The following TTC27 variants were observed in gnomAD, a reference collection of about 807,000 sequenced individuals.
The protein encoded by TTC27 is tetratricopeptide repeat protein 27.
TTC27 carries 79 observed loss-of-function variants against 115.9 expected under a neutral mutation model. The observed-to-expected ratio is 0.68, with a 90% confidence interval of 0.57 to 0.82. TTC27 has a LOEUF of 0.82. Among genes scored for constraint, TTC27 ranks in the 40% least tolerant of loss-of-function variants. The pLI, the probability that TTC27 is intolerant of heterozygous loss-of-function variation, is 0.00. For missense variants in TTC27, 1,054 were observed against 993.1 expected (o/e 1.06, Z -0.82); for synonymous variants, 401 against 356.0 (o/e 1.13, Z -1.42).
At chr2:32,724,505 A>G (rs1160339651) in intron 10 of TTC27, among the ~76,000 whole-genome samples, 1 of 151,874 alleles carries the variant, frequency 6.6e-6, no homozygotes, top group African/African-American at 2.4e-5. Flanking sequence ...TTTTTAAGAC[A>G]GTTGTGTTTA....
chr2:32,664,251 A>G, intron 5 of TTC27, 52 bp from the exon 6 acceptor site: 1 of 1,483,518 alleles, frequency 6.7e-7, no homozygotes, highest in Admixed American at 2.0e-5. Context: ...TTACACATTA[A>G]TATATTTTTC....
intron 10 of TTC27, among the ~76,000 whole-genome samples, chr2:32,703,735 C>G (rs928409836): frequency 2.0e-5 from 3 of 152,228 alleles, no homozygotes; most frequent in African/African-American, 7.2e-5. Context: ...TTCTCTTAAA[C>G]TATCCATGAT....
intron 18 of TTC27, among the ~76,000 whole-genome samples, chr2:32,816,543 G>A (rs1444591173): frequency 6.6e-6 from 1 of 152,166 alleles, no homozygotes; most frequent in Non-Finnish European, 1.5e-5. Flanking sequence ...AGCATTAATA[G>A]CCAGGCCTTC....
chr2:32,797,335 A>G (rs909617882), intron 16 of TTC27, among the ~76,000 whole-genome samples: 2 of 150,614 alleles, frequency 1.3e-5, no homozygotes, highest in Non-Finnish European at 2.9e-5. Context: ...GCATGCCACC[A>G]CATCTAACAA....
intron 4 of TTC27, among the ~76,000 whole-genome samples, chr2:32,642,061 T>A (rs887184114): frequency 6.6e-6 from 1 of 151,890 alleles, no homozygotes; most frequent in Admixed American, 6.6e-5. Flanking sequence ...TTCTCCACAT[T>A]GGTCAGGCTG....
intron 10 of TTC27, among the ~76,000 whole-genome samples, chr2:32,721,608 T>TTC (rs1164934164): frequency 4.6e-5 from 7 of 151,428 alleles, no homozygotes; most frequent in African/African-American, 9.7e-5. Flanking sequence ...TCACTTTTCT[T>TTC]TCTCTCTCTC....
At chr2:32,812,399 G>T (rs1454049855) in intron 17 of TTC27, 105 bp from the exon 18 acceptor site, 2 of 814,058 alleles carry the variant, frequency 2.5e-6, no homozygotes, top group Non-Finnish European at 4.1e-6. Flanking sequence ...CAACACAGAT[G>T]CTGCTTTTTC....
At chr2:32,664,677 T>C (rs1285944501) in intron 6 of TTC27, among the ~76,000 whole-genome samples, 3 of 152,166 alleles carry the variant, frequency 2.0e-5, no homozygotes, top group Non-Finnish European at 4.4e-5. Flanking sequence ...TTTATTGCGC[T>C]GATCTGTTTA....
intron 13 of TTC27, among the ~76,000 whole-genome samples, chr2:32,767,173 T>A (rs907647009): frequency 6.6e-6 from 1 of 152,200 alleles, no homozygotes; most frequent in African/African-American, 2.4e-5. Context: ...GGGAATTTTT[T>A]AAAACCGTAA....
intron 3 of TTC27, among the ~76,000 whole-genome samples, chr2:32,639,464 G>A (rs1664555338): frequency 6.6e-6 from 1 of 151,986 alleles, no homozygotes; most frequent in Admixed American, 6.6e-5. Context: ...TTTGATGCAT[G>A]AGACCTTGTT....
At chr2:32,791,767 T>C (rs1031776768) in intron 16 of TTC27, among the ~76,000 whole-genome samples, 3 of 152,066 alleles carry the variant, frequency 2.0e-5, no homozygotes, top group Non-Finnish European at 4.4e-5. Context: ...CCCAGCTACT[T>C]GTGAGGCTAC....
chr2:32,790,764 GTA>G (rs1670509471), intron 16 of TTC27, among the ~76,000 whole-genome samples: 1 of 150,490 alleles, frequency 6.6e-6, no homozygotes, highest in African/African-American at 2.5e-5. Context: ...ATTCCTTTCT[GTA>G]TAGTTTGTTA....
intron 16 of TTC27, among the ~76,000 whole-genome samples, chr2:32,803,857 A>T (rs1671041784): frequency 6.6e-6 from 1 of 152,092 alleles, no homozygotes; most frequent in Non-Finnish European, 1.5e-5. Context: ...AATACAAAGA[A>T]TTAGCCAGGT....
chr2:32,639,180 C>T (rs910249483), intron 3 of TTC27, among the ~76,000 whole-genome samples: 6 of 152,138 alleles, frequency 3.9e-5, no homozygotes, highest in Non-Finnish European at 5.9e-5. Flanking sequence ...ATCAGGAAAA[C>T]AATTGTGGGA....
At chr2:32,802,257 G>A (rs749882129) in intron 16 of TTC27, among the ~76,000 whole-genome samples, 9 of 152,118 alleles carry the variant, frequency 5.9e-5, no homozygotes, top group Non-Finnish European at 1.2e-4. Context: ...GTACAAAGGG[G>A]AAAATATCAC....
intron 16 of TTC27, among the ~76,000 whole-genome samples, chr2:32,788,321 A>T (rs1356986420): frequency 6.6e-6 from 1 of 152,202 alleles, no homozygotes; most frequent in Non-Finnish European, 1.5e-5. Context: ...TTAGAATCAC[A>T]CACTGTCAGA....
chr2:32,654,622 C>T (rs916227667), intron 5 of TTC27, among the ~76,000 whole-genome samples: 2 of 151,948 alleles, frequency 1.3e-5, no homozygotes, highest in African/African-American at 4.8e-5. Flanking sequence ...CTTTGAAATC[C>T]TGGGCTCAAG....
intron 19 of TTC27, among the ~76,000 whole-genome samples, chr2:32,818,545 C>T (rs182910906): frequency 3.7e-4 from 57 of 152,198 alleles, no homozygotes; most frequent in African/African-American, 1.3e-3. Flanking sequence ...TATCTGTGAC[C>T]GATGTAGATT....
rs144252780 is a variant in TTC27, at chr2:32,676,211, C to T, written c.1053-2645C>T. ...CTTGAGTTGGATTTTTACCTGACGA[C>T]CAAATGCTGGAACTTGCCCCACCTC... is the stretch of plus-strand genomic sequence containing the variant. On this transcript the variant is annotated intron_variant, in intron 8 of 19. Coordinates refer to ENST00000317907, the MANE Select transcript of TTC27 (RefSeq NM_017735.5). Among the ~76,000 whole-genome samples the T allele has an allele frequency of 1.9e-3, 287 of 151,978 alleles. 1 individual carries two copies. Among genetic ancestry groups the T allele is most frequent in the African/African-American group, 6.7e-3 (278 of 41,452 alleles).
Sources: gnomAD v4.1 joint callset for allele counts (sites outside exome capture counted in the v4.1 genomes callset) on GRCh38, gnomAD v4.1.1 for gene constraint, MANE v1.5 for transcripts, NCBI Gene and HGNC (gene_info 2026-07-23, HGNC 2026-07-21) for gene names.